The following SNX27 variants were observed in gnomAD, a reference collection of about 807,000 sequenced individuals.
The protein encoded by SNX27 is sorting nexin 27.
SNX27 carries 22 observed loss-of-function variants against 71.6 expected under a neutral mutation model. The ratio of observed to expected loss-of-function variants is 0.31; its 90% CI spans 0.22 to 0.44. SNX27 has a LOEUF of 0.44. Among genes scored for constraint, SNX27 ranks in the 20% least tolerant of loss-of-function variants. The probability of loss-of-function intolerance (pLI) is 1.00; values close to 1 mark genes in which losing one functional copy is unlikely to be tolerated. For missense variants in SNX27, 531 were observed against 698.6 expected, an observed-to-expected ratio of 0.76 and a Z score of 2.70; for synonymous variants, 269 against 277.2, an observed-to-expected ratio of 0.97 and a Z score of 0.29.
chr1:151,657,407 A>G (rs1156908254), intron 2 of SNX27, among the ~76,000 whole-genome samples: 3 of 152,132 alleles, frequency 2.0e-5, no homozygotes, highest in East Asian at 1.9e-4. Context: ...GACTCAAGCA[A>G]TCTGCCTGCC....
chr1:151,633,194 T>C (rs933035184), intron 1 of SNX27, among the ~76,000 whole-genome samples: 6 of 152,136 alleles, frequency 3.9e-5, no homozygotes, highest in South Asian at 2.1e-4. Context: ...TGAGGCTTAA[T>C]TAACATACAG....
chr1:151,622,480 AT>A (rs997127943), intron 1 of SNX27, among the ~76,000 whole-genome samples: 5 of 152,084 alleles, frequency 3.3e-5, no homozygotes, highest in African/African-American at 7.2e-5. Context: ...AATTATCAAA[AT>A]TTTTTTTCCT....
At chr1:151,681,310 C>T (rs1448275413) in intron 7 of SNX27, among the ~76,000 whole-genome samples, 4 of 136,260 alleles carry the variant, frequency 2.9e-5, no homozygotes, top group South Asian at 4.8e-4. Context: ...GGTGCTATCT[C>T]GGCTCACTGC....
intron 8 of SNX27, among the ~76,000 whole-genome samples, chr1:151,684,062 T>A (rs1671084065): frequency 6.6e-6 from 1 of 152,222 alleles, no homozygotes; most frequent in Non-Finnish European, 1.5e-5. Context: ...TAAGATTGTA[T>A]AAGACCTGAT....
chr1:151,692,335 T>A, intron 8 of SNX27, 100 bp from the exon 9 acceptor site: 3 of 1,376,450 alleles, frequency 2.2e-6, no homozygotes, highest in Non-Finnish European at 2.8e-6. Context: ...TTGTTCTTTT[T>A]CTTGCACCAC....
intron 7 of SNX27, chr1:151,679,655 C>T (rs1397073772): frequency 2.0e-5 from 3 of 152,070 alleles, no homozygotes; most frequent in Non-Finnish European, 4.4e-5. Flanking sequence ...AACAAAAACA[C>T]GAGGCATTTA....
At chr1:151,628,895 G>A (rs1442050005) in intron 1 of SNX27, among the ~76,000 whole-genome samples, 2 of 152,108 alleles carry the variant, frequency 1.3e-5, no homozygotes, top group African/African-American at 2.4e-5. Flanking sequence ...TTTATCAGAT[G>A]TGTGTTTTGC....
At chr1:151,658,191 A>C in intron 2 of SNX27, 44 bp from the exon 3 acceptor site, 2 of 1,537,756 alleles carry the variant, frequency 1.3e-6, no homozygotes, top group Non-Finnish European at 1.8e-6. Flanking sequence ...TTGTGATTTA[A>C]TTTGTATTAA....
At chr1:151,652,395 T>C (rs576567985) in intron 2 of SNX27, among the ~76,000 whole-genome samples, 1 of 151,586 alleles carries the variant, frequency 6.6e-6, no homozygotes, top group East Asian at 1.9e-4. Flanking sequence ...TCATTTTTGA[T>C]ACCACGCCTT....
intron 2 of SNX27, among the ~76,000 whole-genome samples, chr1:151,644,892 G>A (rs1248508406): frequency 6.6e-6 from 1 of 151,998 alleles, no homozygotes; most frequent in Non-Finnish European, 1.5e-5. Flanking sequence ...TCTGCCTCCC[G>A]GGTTCAAGCG....
At chr1:151,617,710 GC>G (rs1453294165) in intron 1 of SNX27, among the ~76,000 whole-genome samples, 2 of 152,108 alleles carry the variant, frequency 1.3e-5, no homozygotes, top group Non-Finnish European at 2.9e-5. Context: ...ATGTCTGGTG[GC>G]CCATGGAAAG....
intron 7 of SNX27, chr1:151,679,220 A>G (rs1488656875): frequency 6.6e-6 from 1 of 152,228 alleles, no homozygotes; most frequent in Non-Finnish European, 1.5e-5. Context: ...TATTGATAAG[A>G]GAAAAAAGCT....
Position 151,693,481 on chromosome 1 carries a change from G to C in SNX27, c.1576G>C (p.Glu526Gln), listed in dbSNP as rs1427537503. ...GTTCTGCGAGCTCAAGTGGAGAAAA[G>C]AGGTAATTCTGAACAGTCCTTGAAT... The part of the protein sequence containing the change: ...RVFCELKWRK[E>Q]NIFQMARSQQ... The change falls in exon 11 of 12, where the codon GAG (glutamate) becomes CAG (glutamine). Residue 526 changes from glutamate to glutamine, a missense_variant and splice_region_variant. Physicochemically the swap from Glu to Gln is conservative, Grantham distance 29. This residue lies in a region of SNX27 where 157 missense variants were observed against 178.4 expected (regional missense o/e 0.88). Coordinates refer to ENST00000458013, the MANE Select transcript of SNX27 (RefSeq NM_001330723.2). 1.2e-6 allele frequency: 2 copies of C among 1,614,050 alleles called. No homozygotes were observed. Among genetic ancestry groups the C allele is most frequent in the Non-Finnish European group, 8.5e-7 (1 of 1,180,000 alleles).
In SNX27 at chr1:151,692,432, T is replaced by TA. The variant is rs1553266094; in HGVS notation, c.1240-2dup. 13 of 1,452,070 alleles carry TA rather than the reference T, an allele frequency of 9.0e-6. No homozygotes were observed. Among genetic ancestry groups the TA allele is most frequent in the East Asian group, 5.3e-5 (2 of 38,034 alleles). 89.9% of individuals were successfully genotyped at this position (1,452,070 alleles called of 1,614,324 possible). Reference sequence around the variant, plus strand: ...TTTTTTTTTTTTTTTTTTTTTTTTTTAGTACCTCAACATGCTAAGGACTTG... The same window carrying TA: ...TTTTTTTTTTTTTTTTTTTTTTTTTTAAGTACCTCAACATGCTAAGGACTTG... On this transcript the variant is annotated splice_polypyrimidine_tract_variant and splice_region_variant and intron_variant, in intron 8 of 11. Coordinates refer to ENST00000458013, the MANE Select transcript of SNX27 (RefSeq NM_001330723.2).
chr1:151,629,184 A>G (rs1051427078), intron 1 of SNX27: 3 of 152,006 alleles, frequency 2.0e-5, no homozygotes, highest in Admixed American at 6.6e-5. Context: ...ACAATTTTAC[A>G]TGATTGCTTT....
At chr1:151,673,078 CT>C (rs776206239) in intron 7 of SNX27, among the ~76,000 whole-genome samples, 1 of 150,414 alleles carries the variant, frequency 6.6e-6, no homozygotes. Flanking sequence ...AAATTTTTGT[CT>C]TTTTTTTGAT....
intron 4 of SNX27, chr1:151,661,199 T>C (rs181627918): frequency 3.5e-4 from 74 of 210,682 alleles, no homozygotes; most frequent in Non-Finnish European, 1.1e-4. Flanking sequence ...AGTCGCTTTA[T>C]ATTTTTAGCT....
chr1:151,670,274 A>T (rs1053405002), intron 7 of SNX27, among the ~76,000 whole-genome samples: 1 of 152,118 alleles, frequency 6.6e-6, no homozygotes, highest in East Asian at 1.9e-4. Context: ...TAAGTACCAC[A>T]TTTTCTTTAT....
intron 8 of SNX27, among the ~76,000 whole-genome samples, chr1:151,688,362 G>A (rs1035048640): frequency 1.3e-5 from 2 of 152,100 alleles, no homozygotes; most frequent in Non-Finnish European, 2.9e-5. Flanking sequence ...AGCGAGGCGC[G>A]GTGGCTTACG....
Sources: gnomAD v4.1 joint callset for allele counts (sites outside exome capture counted in the v4.1 genomes callset) on GRCh38, gnomAD v4.1.1 for gene constraint, gnomAD v4.1.1 regional missense constraint, MANE v1.5 for transcripts, NCBI Gene and HGNC (gene_info 2026-07-23, HGNC 2026-07-21) for gene names.